CRACD: variants seen among roughly 807,000 people sequenced by gnomAD.
CRACD encodes capping protein inhibiting regulator of actin dynamics.
A neutral mutation model predicts 106.8 loss-of-function variants in CRACD; 56 were observed. The ratio of observed to expected loss-of-function variants is 0.52; its 90% CI spans 0.42 to 0.66. The LOEUF is 0.66. Among genes scored for constraint, CRACD ranks in the 30% least tolerant of loss-of-function variants. CRACD has a pLI of 0.00. For synonymous variants in CRACD, 754 were observed against 670.8 expected (o/e 1.12, Z -1.92); for missense variants, 1,730 against 1,623.2 (o/e 1.07, Z -1.13).
chr4:56,293,545 C>T (rs894993488), intron 3 of CRACD, among the ~76,000 whole-genome samples: 12 of 152,116 alleles, frequency 7.9e-5, no homozygotes, highest in African/African-American at 2.7e-4. Flanking sequence ...TTTAATTGGC[C>T]GTGATCCTGC....
intron 1 of CRACD, among the ~76,000 whole-genome samples, chr4:56,141,292 G>A (rs965111640): frequency 6.6e-6 from 1 of 152,162 alleles, no homozygotes; most frequent in Non-Finnish European, 1.5e-5. Flanking sequence ...CTGATGGGAA[G>A]GATTGAAATG....
Position 56,315,868 on chromosome 4 carries a change from G to T in CRACD, c.2366G>T (p.Cys789Phe). The change falls in exon 8 of 11, where the codon TGC becomes TTC. Residue 789 changes from cysteine (C) to phenylalanine (F), a missense_variant. Transcript: ENST00000682029. This position sits in a 1 kb window ranked among gnomAD's most constrained non-coding sequence, Gnocchi z 4.1. ...HREPADTTEG[C>F]KFAKDLPSFL... is the part of the protein sequence containing the mutation. The stretch of plus-strand genomic sequence containing the variant: ...GAGCCCGCAGACACCACCGAGGGAT[G>T]CAAATTTGCCAAAGACCTCCCGTCT... 4 of 1,614,220 alleles carry T rather than the reference G, an allele frequency of 2.5e-6. No individual in the cohort carries two copies. Among genetic ancestry groups the T allele is most frequent in the Non-Finnish European group, 3.4e-6 (4 of 1,180,046 alleles).
chr4:56,291,744 A>G (rs930577791), intron 3 of CRACD, among the ~76,000 whole-genome samples: 1 of 152,208 alleles, frequency 6.6e-6, no homozygotes, highest in Non-Finnish European at 1.5e-5. Flanking sequence ...ACCAGAAGCC[A>G]AGGAGATAAT....
chr4:56,174,834 TCA>T (rs925497074), intron 1 of CRACD, among the ~76,000 whole-genome samples: 8 of 152,298 alleles, frequency 5.3e-5, no homozygotes, highest in African/African-American at 1.7e-4. Context: ...TTTAATAGAC[TCA>T]CAGTTTCACA....
intron 3 of CRACD, among the ~76,000 whole-genome samples, chr4:56,296,092 C>T (rs1226360331): frequency 6.6e-6 from 1 of 152,132 alleles, no homozygotes; most frequent in African/African-American, 2.4e-5. Flanking sequence ...GCATCTGCAC[C>T]GTCTTCCTCT....
intron 1 of CRACD, among the ~76,000 whole-genome samples, chr4:56,092,804 G>A (rs1302773715): frequency 2.6e-5 from 4 of 152,026 alleles, no homozygotes; most frequent in Non-Finnish European, 4.4e-5. Context: ...TCAGAGTCTT[G>A]TGATGTTTCC....
chr4:56,113,157 G>A (rs1023917193), intron 1 of CRACD, among the ~76,000 whole-genome samples: 1 of 152,012 alleles, frequency 6.6e-6, no homozygotes, highest in African/African-American at 2.4e-5. Flanking sequence ...TCTTGTTTCT[G>A]GTTTGTGTTC....
In CRACD at chr4:56,307,657, T is replaced by C. The variant is rs1216950422; in HGVS notation, c.243T>C (p.Ile81=). The C allele has an allele frequency of 1.2e-6, 2 of 1,614,144 alleles. No individual in the cohort carries two copies. The highest frequency in any genetic ancestry group is 1.1e-5 in the South Asian group (1 of 91,078). The change falls in exon 5 of 11, where the codon ATT becomes ATC. Residue 81 remains isoleucine (I), a synonymous_variant. Coordinates refer to ENST00000682029, the MANE Select transcript of CRACD (RefSeq NM_001393381.1). The part of the protein sequence containing the change: ...EDLFLTSPME[I]VTQQDIVLSD... ...TGTTCCTGACCAGTCCCATGGAAATTGTGACTCAGCAGGACATCGTCCTCT... is the reference window on the plus strand; with the variant it reads ...TGTTCCTGACCAGTCCCATGGAAATCGTGACTCAGCAGGACATCGTCCTCT...
chr4:56,176,843 T>C (rs1401912962), intron 1 of CRACD, among the ~76,000 whole-genome samples: 1 of 152,200 alleles, frequency 6.6e-6, no homozygotes. Context: ...TGAGATTACT[T>C]TCTAGATTTC....
At chr4:56,121,921 G>A (rs1035704582) in intron 1 of CRACD, among the ~76,000 whole-genome samples, 3 of 152,160 alleles carry the variant, frequency 2.0e-5, no homozygotes, top group African/African-American at 7.2e-5. Flanking sequence ...AGGTTTTTTG[G>A]GGGAGGAATA....
chr4:56,220,478 G>A lies in CRACD; in HGVS notation c.-189+41048G>A, dbSNP rs1300549663. Among the ~76,000 whole-genome samples, 14 of 152,274 alleles carry A rather than the reference G, an allele frequency of 9.2e-5. No individual in the cohort carries two copies. The South Asian group carries it at 2.9e-3, about 32-fold the overall frequency. On this transcript the variant is annotated intron_variant, in intron 2 of 10. Transcript: ENST00000682029. ...TCAGATAGCCTGCTGGGGCCTGCTG[G>A]AAGAACGGTACAAGCCTCCCTGCAG...
At chr4:56,076,188 G>C (rs182217753) in intron 1 of CRACD, among the ~76,000 whole-genome samples, 3 of 152,132 alleles carry the variant, frequency 2.0e-5, no homozygotes, top group Non-Finnish European at 2.9e-5. Context: ...GACACACACA[G>C]AGGGAAAGAC....
intron 2 of CRACD, among the ~76,000 whole-genome samples, chr4:56,256,833 G>A (rs781615013): frequency 6.6e-6 from 1 of 152,126 alleles, no homozygotes; most frequent in Non-Finnish European, 1.5e-5. Flanking sequence ...ACTTGGCCAA[G>A]GGCATTCCAA....
intron 2 of CRACD, among the ~76,000 whole-genome samples, chr4:56,265,312 T>C (rs1741942905): frequency 6.6e-6 from 1 of 152,128 alleles, no homozygotes; most frequent in Non-Finnish European, 1.5e-5. Flanking sequence ...AAATCAGAAG[T>C]TGAAATAAAC....
At chr4:56,284,266 C>G (rs2109680016) in intron 3 of CRACD, among the ~76,000 whole-genome samples, 1 of 66,136 alleles carries the variant, frequency 1.5e-5, no homozygotes, top group South Asian at 5.4e-4. Flanking sequence ...CCAGCCTGGT[C>G]AACATAGTAA....
chr4:56,116,905 G>A (rs538110660), intron 1 of CRACD, among the ~76,000 whole-genome samples: 13 of 151,078 alleles, frequency 8.6e-5, no homozygotes, highest in Non-Finnish European at 4.4e-5. Flanking sequence ...ACAGGGTTTC[G>A]CCATGTTGGC....
intron 8 of CRACD, among the ~76,000 whole-genome samples, chr4:56,317,799 C>T (rs1050613207): frequency 7.1e-6 from 1 of 140,410 alleles, no homozygotes; most frequent in Admixed American, 7.2e-5. Context: ...AGCCCTCCTA[C>T]AAAGAAATTT....
intron 1 of CRACD, among the ~76,000 whole-genome samples, chr4:56,108,361 C>G (rs562271675): frequency 6.6e-6 from 1 of 152,276 alleles, no homozygotes; most frequent in South Asian, 2.1e-4. Flanking sequence ...AAACCTCAGT[C>G]TGTGCATGAG....
chr4:56,163,473 C>G (rs1452279750), intron 1 of CRACD, among the ~76,000 whole-genome samples: 2 of 152,050 alleles, frequency 1.3e-5, no homozygotes, highest in Admixed American at 6.5e-5. Flanking sequence ...ATAAACCAAT[C>G]TATCCTTTGT....
Sources: gnomAD v4.1 joint callset for allele counts (sites outside exome capture counted in the v4.1 genomes callset) on GRCh38, gnomAD v4.1.1 for gene constraint, Gnocchi (gnomAD v3.1) non-coding constraint, MANE v1.5 for transcripts, NCBI Gene and HGNC (gene_info 2026-07-23, HGNC 2026-07-21) for gene names.